Variants in ASPRV1 observed in about 807,000 individuals in gnomAD.
ASPRV1 encodes retroviral-like aspartic protease 1.
Under a neutral mutation model 11.0 loss-of-function variants are expected in ASPRV1, and 7 were observed. That is an observed-to-expected ratio of 0.64 (90% CI 0.36 to 1.20). The LOEUF (loss-of-function observed/expected upper bound fraction) is 1.20, where lower values mean the gene tolerates loss of function less well. Among genes scored for constraint, ASPRV1 ranks in the 50% most tolerant of loss-of-function variants. The pLI is 0.02. For synonymous variants in ASPRV1, 136 were observed against 138.4 expected, an observed-to-expected ratio of 0.98 and a Z score of 0.12; for missense variants, 299 against 320.0, an observed-to-expected ratio of 0.93 and a Z score of 0.50.
chr2:70,084,536 TCA>T, the ASPRV1 span, among the ~76,000 whole-genome samples: 1 of 152,200 alleles, frequency 6.6e-6, no homozygotes, highest in Admixed American at 6.5e-5. Context: ...TGACCTAATA[TCA>T]CCACCCATTT....
At chr2:70,006,099 ACATGCACATGCC>A in the ASPRV1 span, among the ~76,000 whole-genome samples, 3 of 152,232 alleles carry the variant, frequency 2.0e-5, no homozygotes, top group African/African-American at 7.2e-5. Context: ...GAATATGTGC[ACATGCACATGCC>A]CATGCCCATG....
chr2:70,002,081 CATG>C, the ASPRV1 span, among the ~76,000 whole-genome samples: 1 of 152,060 alleles, frequency 6.6e-6, no homozygotes, highest in South Asian at 2.1e-4. Flanking sequence ...CAAATATTAG[CATG>C]ATTTTTAATT....
the ASPRV1 span, chr2:69,937,120 C>G: frequency 7.3e-7 from 1 of 1,372,056 alleles, no homozygotes; most frequent in Non-Finnish European, 1.0e-6. Context: ...TGAGTGGCAC[C>G]GAAAGGCGTC....
the ASPRV1 span, among the ~76,000 whole-genome samples, chr2:69,969,047 TG>T: frequency 1.3e-5 from 2 of 152,244 alleles, no homozygotes; most frequent in African/African-American, 4.8e-5. Flanking sequence ...TGTATCTCCT[TG>T]GTCAATGACC....
At chr2:70,054,479 C>A in the ASPRV1 span, among the ~76,000 whole-genome samples, 2 of 147,790 alleles carry the variant, frequency 1.4e-5, no homozygotes, top group East Asian at 4.0e-4. Context: ...ACTCAGGAGG[C>A]TGAGGCAGAA....
At chr2:70,068,731 C>T in the ASPRV1 span, among the ~76,000 whole-genome samples, 6 of 150,088 alleles carry the variant, frequency 4.0e-5, no homozygotes, top group Non-Finnish European at 8.9e-5. Flanking sequence ...GTCGGGAGTT[C>T]GAGACCAGCC....
At chr2:70,070,617 C>T in the ASPRV1 span, 2 of 151,836 alleles carry the variant, frequency 1.3e-5, no homozygotes, top group Non-Finnish European at 2.9e-5. Flanking sequence ...AGTGCAAAAT[C>T]CTGTCTCTAC....
At chr2:69,934,614 T>C in the ASPRV1 span, among the ~76,000 whole-genome samples, 1 of 152,236 alleles carries the variant, frequency 6.6e-6, no homozygotes, top group African/African-American at 2.4e-5. Context: ...TTATGTGTCA[T>C]TCCAGAGTTT....
the ASPRV1 span, among the ~76,000 whole-genome samples, chr2:70,050,437 T>C: frequency 6.6e-6 from 1 of 152,170 alleles, no homozygotes; most frequent in Non-Finnish European, 1.5e-5. Context: ...ATTTTTATAA[T>C]TTTGAGGTGG....
the ASPRV1 span, among the ~76,000 whole-genome samples, chr2:70,064,869 G>A: frequency 1.3e-5 from 2 of 152,066 alleles, no homozygotes; most frequent in Admixed American, 6.6e-5. Flanking sequence ...CAAGGCAGGC[G>A]GAACGTTTGA....
chr2:70,044,321 A>C, the ASPRV1 span, among the ~76,000 whole-genome samples: 3 of 152,216 alleles, frequency 2.0e-5, no homozygotes, highest in Non-Finnish European at 2.9e-5. Flanking sequence ...ACCACTTGAC[A>C]GACCAGCTCT....
chr2:70,070,606 C>T, the ASPRV1 span: 14 of 151,956 alleles, frequency 9.2e-5, no homozygotes, highest in Admixed American at 9.2e-4. Flanking sequence ...ACCAGCCTAA[C>T]AGTGCAAAAT....
chr2:70,080,617 G>T, the ASPRV1 span, among the ~76,000 whole-genome samples: 1 of 152,030 alleles, frequency 6.6e-6, no homozygotes, highest in African/African-American at 2.4e-5. Context: ...TAGAATCTCT[G>T]GACAGGAAGT....
chr2:69,990,307 C>G, the ASPRV1 span, among the ~76,000 whole-genome samples: 1 of 152,136 alleles, frequency 6.6e-6, no homozygotes, highest in Non-Finnish European at 1.5e-5. Context: ...CCTCAGCCTC[C>G]CGAGTAGCTG....
chr2:69,957,882 T>G (rs997339752), downstream of ASPRV1, among the ~76,000 whole-genome samples: 5 of 152,158 alleles, frequency 3.3e-5, no homozygotes, highest in Non-Finnish European at 2.9e-5. Flanking sequence ...CATCCTCCTT[T>G]CCATCATTGC....
At chr2:70,005,713 T>C in the ASPRV1 span, among the ~76,000 whole-genome samples, 2 of 152,250 alleles carry the variant, frequency 1.3e-5, no homozygotes, top group East Asian at 3.8e-4. Flanking sequence ...AATTTCTCCA[T>C]AGCTTGTGAC....
At chr2:69,950,790 C>A in the ASPRV1 span, among the ~76,000 whole-genome samples, 9 of 151,592 alleles carry the variant, frequency 5.9e-5, no homozygotes, top group Middle Eastern at 3.4e-3. Flanking sequence ...TTGCAGTGAG[C>A]TGAGATCACA....
At chr2:70,080,119 C>G in the ASPRV1 span, among the ~76,000 whole-genome samples, 2 of 152,144 alleles carry the variant, frequency 1.3e-5, no homozygotes, top group Non-Finnish European at 2.9e-5. Flanking sequence ...AACCTCCTAA[C>G]CAGCTTAACA....
At chr2:70,034,676 A>G in the ASPRV1 span, among the ~76,000 whole-genome samples, 3 of 152,206 alleles carry the variant, frequency 2.0e-5, no homozygotes, top group African/African-American at 7.2e-5. Context: ...CACTGCCCAC[A>G]GACACCTCCA....
Sources: allele counts gnomAD v4.1 joint callset (sites outside exome capture counted in the v4.1 genomes callset), GRCh38; gene constraint gnomAD v4.1.1; transcripts MANE v1.5; gene names NCBI Gene and HGNC (gene_info 2026-07-23, HGNC 2026-07-21).